The following TMTC4 variants were observed in gnomAD, a reference collection of about 807,000 sequenced individuals.
The protein encoded by TMTC4 is transmembrane O-mannosyltransferase targeting cadherins 4, also known as protein O-mannosyl-transferase TMTC4.
In TMTC4, 65 loss-of-function variants were observed where a neutral mutation model predicts 86.0. The observed-to-expected ratio is 0.76, with a 90% confidence interval of 0.62 to 0.93. TMTC4 has a LOEUF of 0.93. Among genes scored for constraint, TMTC4 ranks in the 40% least tolerant of loss-of-function variants. TMTC4 has a pLI of 0.00. For missense variants in TMTC4, 866 were observed against 948.1 expected (o/e 0.91, Z 1.14); for synonymous variants, 379 against 382.5 (o/e 0.99, Z 0.11).
At chr13:100,606,298 G>A (rs1869198520) in intron 18 of TMTC4, 60 bp downstream of exon 18, 2 of 1,386,080 alleles carry the variant, frequency 1.4e-6, no homozygotes, top group African/African-American at 1.4e-5. Flanking sequence ...TTATAGACAT[G>A]CACCCACTTC....
chr13:100,607,539 T>C (rs2153021031), intron 17 of TMTC4, among the ~76,000 whole-genome samples: 1 of 149,228 alleles, frequency 6.7e-6, no homozygotes, highest in East Asian at 1.9e-4. Context: ...AAAATCGGTA[T>C]CACACATTGA....
chr13:100,623,037 A>G (rs747447290), intron 15 of TMTC4, among the ~76,000 whole-genome samples: 1 of 152,174 alleles, frequency 6.6e-6, no homozygotes, highest in Non-Finnish European at 1.5e-5. Flanking sequence ...AAAGACATTC[A>G]CATTATGGTA....
chr13:100,664,076 G>C, intron 4 of TMTC4, 145 bp downstream of exon 4: 1 of 532,282 alleles, frequency 1.9e-6, no homozygotes, highest in Non-Finnish European at 3.2e-6. Context: ...TGCACCTAGA[G>C]ACCCATGTAT....
At chr13:100,661,422 G>A (rs1426734869) in intron 5 of TMTC4, among the ~76,000 whole-genome samples, 1 of 152,188 alleles carries the variant, frequency 6.6e-6, no homozygotes, top group Non-Finnish European at 1.5e-5. Context: ...AATAATTCAA[G>A]TATTTCATTT....
intron 9 of TMTC4, 140 bp from the exon 10 acceptor site, chr13:100,636,874 G>C: frequency 4.9e-6 from 4 of 813,908 alleles, no homozygotes; most frequent in Non-Finnish European, 8.0e-6. Context: ...TTGCCAACGT[G>C]TATTGGGTAT....
In TMTC4 at chr13:100,636,304, G is replaced by A. The variant is rs183449210; in HGVS notation, c.1202+228C>T. ...GCTACTTCCTAGGGAAAGGGGAAGG[G>A]AGGGATGAAGCAGTCATCCGTAGCT... On this transcript the variant is annotated intron_variant, in intron 10 of 18. Coordinates refer to ENST00000342624, the MANE Select transcript of TMTC4 (RefSeq NM_032813.5). Among the ~76,000 whole-genome samples, 323 of 152,336 alleles carry A rather than the reference G, an allele frequency of 2.1e-3. 2 individuals are homozygous for A. Among genetic ancestry groups the A allele is most frequent in the African/African-American group, 6.6e-3 (275 of 41,582 alleles).
chr13:100,643,597 G>A (rs1433882767), intron 6 of TMTC4, among the ~76,000 whole-genome samples: 1 of 152,192 alleles, frequency 6.6e-6, no homozygotes, highest in Non-Finnish European at 1.5e-5. Context: ...GAAGAATTGG[G>A]GTAGAGGAGG....
Position 100,642,329 on chromosome 13 carries a change from T to G in TMTC4, c.641-18A>C. On this transcript the variant is annotated intron_variant, in intron 6 of 18. Transcript: ENST00000342624. ...CTTGTTACCTGCCAATTAAGAGAAA[T>G]GATCAGTGCAAAAGTCATGGAATGC... The G allele has an allele frequency of 6.2e-7, 1 of 1,613,986 alleles. No individual in the cohort carries two copies. Among genetic ancestry groups the G allele is most frequent in the Non-Finnish European group, 8.5e-7 (1 of 1,179,900 alleles).
At chr13:100,665,236 G>A (rs1886252444) in intron 3 of TMTC4, among the ~76,000 whole-genome samples, 1 of 152,190 alleles carries the variant, frequency 6.6e-6, no homozygotes, top group African/African-American at 2.4e-5. Context: ...CTAATGAGAA[G>A]AGAGGCAAAC....
chr13:100,655,133 T>C (rs1770366), intron 6 of TMTC4, among the ~76,000 whole-genome samples: 47,625 of 150,866 alleles, frequency 0.32, 7,830 homozygotes, highest in East Asian at 0.58. Context: ...ACGATTCTCC[T>C]GCCTCAGCCT....
chr13:100,632,053 A>ACACTCACTCTCTCT (rs1296569630), intron 12 of TMTC4, among the ~76,000 whole-genome samples: 2 of 43,108 alleles, frequency 4.6e-5, no homozygotes, highest in Non-Finnish European at 9.5e-5. Flanking sequence ...ACACACACAC[A>ACACTCACTCTCTCT]CTCTCTCTCT....
At position 100,636,712 on chromosome 13, in the gene TMTC4, T is replaced by G; in HGVS notation, c.1022A>C (p.Tyr341Ser). 6.2e-7 allele frequency: 1 copy of G among 1,614,116 alleles called. No homozygotes were observed. The highest frequency in any genetic ancestry group is 8.5e-7 in the Non-Finnish European group (1 of 1,180,008). The change falls in exon 10 of 19, where the codon TAT (tyrosine) becomes TCT (serine). Residue 341 changes from tyrosine (Y) to serine (S), a missense_variant. Transcript: ENST00000342624. ...CAGCAGCAGCCAGGCATTCAATGAATAGTAGTAATTGTAGTTTACGGCCTG... is the reference window on the plus strand; with the variant it reads ...CAGCAGCAGCCAGGCATTCAATGAAGAGTAGTAATTGTAGTTTACGGCCTG... ...LVRAVNYNYYYSLNAWLLLCP... is the reference protein window; with the variant it reads ...LVRAVNYNYYSSLNAWLLLCP...
intron 5 of TMTC4, among the ~76,000 whole-genome samples, chr13:100,660,338 AAAAAAAAAAAG>A (rs1885618795): frequency 6.7e-6 from 1 of 149,702 alleles, no homozygotes; most frequent in South Asian, 2.1e-4. Flanking sequence ...ATCAAAAAAA[AAAAAAAAAAAG>A]AAAAGAAAAA....
chr13:100,661,688 TTTAA>T (rs1885794611), intron 5 of TMTC4, among the ~76,000 whole-genome samples: 1 of 152,150 alleles, frequency 6.6e-6, no homozygotes, highest in Non-Finnish European at 1.5e-5. Flanking sequence ...AAAACAAAGA[TTTAA>T]AAAGATATCA....
At chr13:100,653,737 C>G (rs568145067) in intron 6 of TMTC4, among the ~76,000 whole-genome samples, 2 of 152,086 alleles carry the variant, frequency 1.3e-5, no homozygotes, top group Admixed American at 6.5e-5. Context: ...AACTGCAGCT[C>G]GAGGATGGGT....
At chr13:100,638,087 T>G (rs981938555) in intron 7 of TMTC4, 65 bp from the exon 8 acceptor site, 3 of 1,217,824 alleles carry the variant, frequency 2.5e-6, no homozygotes, top group Non-Finnish European at 3.6e-6. Flanking sequence ...GCAATTACAC[T>G]TCACAATTTC....
At chr13:100,657,089 AAC>A (rs1885208243) in intron 5 of TMTC4, among the ~76,000 whole-genome samples, 1 of 152,202 alleles carries the variant, frequency 6.6e-6, no homozygotes, top group African/African-American at 2.4e-5. Flanking sequence ...TGTGTTCTTT[AAC>A]ACACGATACC....
intron 18 of TMTC4, among the ~76,000 whole-genome samples, chr13:100,606,039 TAGG>T (rs1255534732): frequency 2.0e-5 from 3 of 152,332 alleles, no homozygotes; most frequent in Admixed American, 1.3e-4. Flanking sequence ...ATTAATTTAC[TAGG>T]AGAACTCTTC....
At chr13:100,643,727 T>G (rs1475589952) in intron 6 of TMTC4, among the ~76,000 whole-genome samples, 2 of 152,246 alleles carry the variant, frequency 1.3e-5, no homozygotes, top group African/African-American at 2.4e-5. Flanking sequence ...TAAAAATCAC[T>G]TGGTATAATG....
Sources: allele counts gnomAD v4.1 joint callset (sites outside exome capture counted in the v4.1 genomes callset), GRCh38; gene constraint gnomAD v4.1.1; transcripts MANE v1.5; gene names NCBI Gene and HGNC (gene_info 2026-07-23, HGNC 2026-07-21).